TYW1: variants seen among roughly 807,000 people sequenced by gnomAD.
TYW1 encodes the protein S-adenosyl-L-methionine-dependent tRNA 4-demethylwyosine synthase TYW1.
A neutral mutation model predicts 96.2 loss-of-function variants in TYW1; 46 were observed. The ratio of observed to expected loss-of-function variants is 0.48; its 90% CI spans 0.38 to 0.61. TYW1 has a LOEUF of 0.61. TYW1 is among the 20% of genes least tolerant of loss of function. TYW1 has a pLI of 0.00. For synonymous variants in TYW1, 274 were observed against 323.0 expected, an observed-to-expected ratio of 0.85 and a Z score of 1.63; for missense variants, 684 against 909.6, an observed-to-expected ratio of 0.75 and a Z score of 3.19.
At chr7:67,238,168 T>G in intron 15 of TYW1, 140 bp from the exon 16 acceptor site, 11 of 1,275,620 alleles carry the variant, frequency 8.6e-6, no homozygotes, top group Non-Finnish European at 1.2e-5. Flanking sequence ...ATGGAAGAGG[T>G]TTTTTTGTGT....
chr7:67,010,898 CTTAA>C (rs1702848730), intron 4 of TYW1, among the ~76,000 whole-genome samples: 1 of 152,116 alleles, frequency 6.6e-6, no homozygotes, highest in African/African-American at 2.4e-5. Context: ...TTTTGAATCT[CTTAA>C]TTAAGGAAGG....
At chr7:67,004,043 C>A (rs1266629114) in intron 3 of TYW1, among the ~76,000 whole-genome samples, 1 of 149,430 alleles carries the variant, frequency 6.7e-6, no homozygotes, top group South Asian at 2.1e-4. Flanking sequence ...AACCTTGTCT[C>A]AAAAAAAACA....
intron 8 of TYW1, among the ~76,000 whole-genome samples, chr7:67,050,512 C>T (rs1417589918): frequency 1.3e-5 from 2 of 152,040 alleles, no homozygotes; most frequent in African/African-American, 4.8e-5. Context: ...AGTAGACCGA[C>T]CTCCTTTCCT....
chr7:67,031,290 G>T (rs1460168595), intron 7 of TYW1, among the ~76,000 whole-genome samples: 5 of 119,820 alleles, frequency 4.2e-5, no homozygotes, highest in African/African-American at 1.6e-4. Flanking sequence ...AGGCATGAGA[G>T]AATTAGAAAA....
intron 13 of TYW1, among the ~76,000 whole-genome samples, chr7:67,122,758 A>G (rs62468386): frequency 0.04 from 6,061 of 152,206 alleles, 177 homozygotes; most frequent in Middle Eastern, 0.1. Flanking sequence ...AGTAGTAGGG[A>G]GCAGCAGGAG....
chr7:67,196,120 A>G (rs1476267643), intron 15 of TYW1, among the ~76,000 whole-genome samples: 1 of 151,404 alleles, frequency 6.6e-6, no homozygotes, highest in African/African-American at 2.4e-5. Flanking sequence ...CATTTTGGGT[A>G]GTTTCTATTG....
At chr7:67,162,850 G>C (rs1343290488) in intron 13 of TYW1, among the ~76,000 whole-genome samples, 1 of 152,112 alleles carries the variant, frequency 6.6e-6, no homozygotes, top group Non-Finnish European at 1.5e-5. Flanking sequence ...TGTAGATAGG[G>C]CACCTCTCTT....
chr7:67,164,832 A>G (rs1192155239), intron 13 of TYW1, among the ~76,000 whole-genome samples: 1 of 151,990 alleles, frequency 6.6e-6, no homozygotes, highest in African/African-American at 2.4e-5. Context: ...ATCATAAATC[A>G]TCTAGCCATT....
chr7:67,211,941 A>T (rs1260585212), intron 15 of TYW1, among the ~76,000 whole-genome samples: 2 of 151,882 alleles, frequency 1.3e-5, no homozygotes, highest in Non-Finnish European at 2.9e-5. Flanking sequence ...CACAGTCTTC[A>T]CTCCTTCCTG....
At chr7:67,106,302 C>T (rs1797242605) in intron 12 of TYW1, among the ~76,000 whole-genome samples, 1 of 152,210 alleles carries the variant, frequency 6.6e-6, no homozygotes, top group Non-Finnish European at 1.5e-5. Context: ...TTTCCTTGGT[C>T]CCTGTAGACA....
intron 13 of TYW1, among the ~76,000 whole-genome samples, chr7:67,143,516 C>G (rs144257669): frequency 0.022 from 3,412 of 152,286 alleles, 81 homozygotes; most frequent in Non-Finnish European, 0.027. Flanking sequence ...TCCTTAAGAG[C>G]CACCACTGAT....
chr7:67,097,615 G>A (rs560064444), intron 11 of TYW1, among the ~76,000 whole-genome samples: 49 of 152,232 alleles, frequency 3.2e-4, no homozygotes, highest in African/African-American at 1.2e-3. Context: ...CCAGGCTGGT[G>A]TTGAACTCCT....
intron 13 of TYW1, among the ~76,000 whole-genome samples, chr7:67,140,936 C>G (rs1189708048): frequency 6.6e-6 from 1 of 152,134 alleles, no homozygotes; most frequent in South Asian, 2.1e-4. Flanking sequence ...GGAGGGAGAC[C>G]TTTGGCTGTA....
intron 4 of TYW1, among the ~76,000 whole-genome samples, chr7:67,011,809 G>A (rs1465949015): frequency 1.3e-5 from 2 of 151,452 alleles, no homozygotes; most frequent in African/African-American, 4.9e-5. Context: ...GGAGGCGGAG[G>A]TCGCAGTGAG....
chr7:67,145,573 G>A (rs993674724), intron 13 of TYW1, among the ~76,000 whole-genome samples: 2 of 152,174 alleles, frequency 1.3e-5, no homozygotes, highest in African/African-American at 4.8e-5. Context: ...CTCTCAGCTA[G>A]GAGATTCCTG....
intron 11 of TYW1, among the ~76,000 whole-genome samples, chr7:67,098,130 A>G (rs1219184649): frequency 6.6e-6 from 1 of 152,188 alleles, no homozygotes; most frequent in African/African-American, 2.4e-5. Context: ...GCTTTGGACC[A>G]ACTACATTTA....
chr7:67,213,524 G>C (rs996841838), intron 15 of TYW1, among the ~76,000 whole-genome samples: 1 of 152,160 alleles, frequency 6.6e-6, no homozygotes, highest in Non-Finnish European at 1.5e-5. Context: ...CAGAGCAAAT[G>C]TTTTCAATTT....
At chr7:67,064,616 C>G (rs1266337666) in intron 9 of TYW1, among the ~76,000 whole-genome samples, 3 of 152,110 alleles carry the variant, frequency 2.0e-5, no homozygotes, top group Non-Finnish European at 4.4e-5. Context: ...AGTGGAAACC[C>G]CTGATAAACC....
At chr7:67,084,261 A>T (rs952396853) in intron 11 of TYW1, among the ~76,000 whole-genome samples, 3 of 87,254 alleles carry the variant, frequency 3.4e-5, no homozygotes, top group African/African-American at 1.1e-4. Flanking sequence ...TTCCTTATTT[A>T]AAAAAAAGGA....
Sources: allele counts gnomAD v4.1 joint callset (sites outside exome capture counted in the v4.1 genomes callset), GRCh38; gene constraint gnomAD v4.1.1; transcripts MANE v1.5; gene names NCBI Gene and HGNC (gene_info 2026-07-23, HGNC 2026-07-21).